Variants in TGM4 observed in about 807,000 individuals in gnomAD.
TGM4 encodes transglutaminase 4.
A neutral mutation model predicts 76.3 loss-of-function variants in TGM4; 61 were observed. That is an observed-to-expected ratio of 0.80 (90% CI 0.65 to 0.99). The LOEUF (loss-of-function observed/expected upper bound fraction) is 0.99. TGM4 is among the 50% of genes least tolerant of loss of function. TGM4 has a pLI of 0.00. For missense variants in TGM4, 794 were observed against 843.2 expected (o/e 0.94, Z 0.72); for synonymous variants, 337 against 329.8 (o/e 1.02, Z -0.24).
chr3:44,903,873 A>C lies in TGM4; in HGVS notation c.972-11A>C. 1 of 1,613,946 alleles carries C rather than the reference A, an allele frequency of 6.2e-7. No homozygotes were observed. The highest frequency in any genetic ancestry group is 8.5e-7 in the Non-Finnish European group (1 of 1,179,880). On this transcript the variant is annotated splice_polypyrimidine_tract_variant and intron_variant, in intron 8 of 13. Coordinates refer to ENST00000296125, the MANE Select transcript of TGM4 (RefSeq NM_003241.4). ...TGGTCCGGGGTGGGGCCCGTTCCCA[A>C]TTTGCGGCAGGAATTTCCATGTGTG...
intron 1 of TGM4, among the ~76,000 whole-genome samples, chr3:44,876,800 G>A (rs1247723258): frequency 6.6e-6 from 1 of 152,154 alleles, no homozygotes; most frequent in Non-Finnish European, 1.5e-5. Flanking sequence ...AGAAGGTAAT[G>A]GAACTGTGAA....
In TGM4 at chr3:44,910,309, C is replaced by G. The variant is rs1207402350; in HGVS notation, c.1547C>G (p.Thr516Ser). ...ILGSFELQLY[T>S]GKKMAKLCDL... ...GGCTCCTTTGAACTACAGTTGTACA[C>G]TGGCAAGAAGATGGCAAAACTGTGT... The change falls in exon 11 of 14, where the codon ACT becomes AGT. Residue 516 changes from threonine (T) to serine (S), a missense_variant. By Grantham distance (58) the Thr-to-Ser change is moderately conservative. Coordinates refer to ENST00000296125, the MANE Select transcript of TGM4 (RefSeq NM_003241.4). The G allele has an allele frequency of 3.1e-6, 5 of 1,614,208 alleles. No individual in the cohort carries two copies. Among genetic ancestry groups the G allele is most frequent in the Non-Finnish European group, 4.2e-6 (5 of 1,180,034 alleles).
rs1559621269 is a variant in TGM4 at position 44,910,157 on chromosome 3, A to T, written c.1395A>T (p.Arg465Ser). The change falls in exon 11 of 14, where the codon AGA (arginine) becomes AGT (serine). Residue 465 changes from arginine (R) to serine (S), a missense_variant. Coordinates refer to ENST00000296125, the MANE Select transcript of TGM4 (RefSeq NM_003241.4). ...FLLLSSEREH[R>S]RPVKENFLHM... ...TTCTCAGTTCTGAGAGGGAGCACAG[A>T]CGACCTGTAAAAGAGAACTTTCTTC... is the stretch of plus-strand genomic sequence containing the variant. The T allele has an allele frequency of 3.1e-6, 5 of 1,614,080 alleles. No individual in the cohort carries two copies. The highest frequency in any genetic ancestry group is 4.2e-6 in the Non-Finnish European group (5 of 1,180,048).
rs754533573 is a variant in TGM4 at position 44,901,674 on chromosome 3, G to A, written c.808G>A (p.Val270Met). Residue 270 changes from valine (V) to methionine (M), a missense_variant, in exon 7 of 14, where the codon GTG becomes ATG. By Grantham distance (21) the Val-to-Met change is conservative. Transcript: ENST00000296125. ...GGCTGTGTGCTTTGGCCAGTGCTGG[G>A]TGTTTGCTGGGATCCTGACTACAGG... ...KQAVCFGQCWVFAGILTTVLR... is the reference protein window; with the variant it reads ...KQAVCFGQCWMFAGILTTVLR... The A allele has an allele frequency of 1.1e-5, 18 of 1,614,056 alleles. No individual in the cohort carries two copies. The highest frequency in any genetic ancestry group is 1.6e-4 in the Middle Eastern group (1 of 6,084).
At chr3:44,907,270 G>T (rs1228856441) in intron 10 of TGM4, 70 bp downstream of exon 10, 66 of 1,556,084 alleles carry the variant, frequency 4.2e-5, no homozygotes, top group Non-Finnish European at 5.6e-5. Flanking sequence ...AGTCAAGATT[G>T]GGGGTGGGCC....
chr3:44,913,816 C>T lies in TGM4; in HGVS notation c.*91C>T. 1.3e-6 allele frequency: 2 copies of T among 1,514,968 alleles called. No individual in the cohort carries two copies. Among genetic ancestry groups the T allele is most frequent in the South Asian group, 1.3e-5 (1 of 74,858 alleles). The allele number at this position is 1,514,968 out of a possible 1,614,324, so 93.8% of individuals were successfully genotyped here. A position where few individuals can be genotyped will look rare whatever the true frequency, so the allele number is the denominator to read the frequency against. ...GATTATGGATGATTAAATTTGATGA[C>T]TTATATGAGGGCAGATTCAAGAGCC... On this transcript the variant is annotated 3_prime_UTR_variant, in exon 14 of 14. Coordinates refer to ENST00000296125, the MANE Select transcript of TGM4 (RefSeq NM_003241.4).
At chr3:44,907,417 A>G (rs1699939884) in intron 10 of TGM4, among the ~76,000 whole-genome samples, 2 of 151,810 alleles carry the variant, frequency 1.3e-5, no homozygotes, top group South Asian at 4.2e-4. Context: ...AGGGAGGTTG[A>G]GGTTGCTGTG....
chr3:44,911,252 C>T lies in TGM4; in HGVS notation c.1777-18C>T, dbSNP rs1181505636. ...TGCATATCTTCTCTCCCCATCTCTC[C>T]TCCCCACCCTACTACAGTTGCCTAA... On this transcript the variant is annotated intron_variant, in intron 12 of 13. Coordinates refer to ENST00000296125, the MANE Select transcript of TGM4 (RefSeq NM_003241.4). 6.2e-7 allele frequency: 1 copy of T among 1,614,074 alleles called. No individual in the cohort carries two copies. Among genetic ancestry groups the T allele is most frequent in the Non-Finnish European group, 8.5e-7 (1 of 1,179,926 alleles).
At chr3:44,877,005 A>G (rs914332886) in intron 1 of TGM4, among the ~76,000 whole-genome samples, 1 of 152,218 alleles carries the variant, frequency 6.6e-6, no homozygotes, top group Non-Finnish European at 1.5e-5. Context: ...GTGGTCATGA[A>G]ATAAAACTGA....
chr3:44,911,529 G>T (rs1042400499), intron 13 of TGM4, 123 bp downstream of exon 13: 2 of 1,123,802 alleles, frequency 1.8e-6, no homozygotes, highest in African/African-American at 1.6e-5. Flanking sequence ...GATACATTTT[G>T]CTAGTGCCAA....
chr3:44,891,539 A>G (rs1000295817), intron 4 of TGM4, among the ~76,000 whole-genome samples: 1 of 145,238 alleles, frequency 6.9e-6, no homozygotes. Context: ...ACACACACAC[A>G]CAAGCTTTTT....
intron 6 of TGM4, among the ~76,000 whole-genome samples, chr3:44,898,929 G>A (rs1184961347): frequency 1.3e-5 from 2 of 152,118 alleles, no homozygotes; most frequent in Non-Finnish European, 2.9e-5. Context: ...GAAAGAACAA[G>A]TAAAGGAGAC....
intron 10 of TGM4, among the ~76,000 whole-genome samples, chr3:44,907,547 C>G (rs982353586): frequency 5.9e-5 from 9 of 152,088 alleles, no homozygotes; most frequent in Non-Finnish European, 1.2e-4. Context: ...ATTCACCTTG[C>G]TAAGACTGTC....
chr3:44,896,492 T>G (rs966713200), intron 5 of TGM4, among the ~76,000 whole-genome samples: 2 of 152,240 alleles, frequency 1.3e-5, no homozygotes, highest in African/African-American at 4.8e-5. Context: ...AGTGGCTGCA[T>G]GCTAGAGCTC....
chr3:44,904,109 A>G (rs1167234642), intron 9 of TGM4, 122 bp downstream of exon 9: 9 of 817,064 alleles, frequency 1.1e-5, no homozygotes, highest in Non-Finnish European at 1.4e-5. Context: ...ATTTCCCAAA[A>G]CAAAAAGCAT....
chr3:44,880,514 G>A lies in TGM4; in HGVS notation c.20-4811G>A, dbSNP rs1287094799. On this transcript the variant is annotated intron_variant, in intron 1 of 13. Coordinates refer to ENST00000296125, the MANE Select transcript of TGM4 (RefSeq NM_003241.4). ...CAGGAGTGCCTGCTGGCAGGTGGCA[G>A]TAGACTCAGGCAGCAATATGGACAC... 3.3e-5 allele frequency among the ~76,000 whole-genome samples: 5 copies of A among 152,324 alleles called. No individual in the cohort carries two copies. In the East Asian group the frequency reaches 7.7e-4, roughly 24 times the overall value.
chr3:44,910,027 G>A, intron 10 of TGM4, 63 bp from the exon 11 acceptor site: 2 of 1,563,492 alleles, frequency 1.3e-6, no homozygotes, highest in Non-Finnish European at 1.7e-6. Flanking sequence ...TGCCACACGG[G>A]TGGTTGGGAC....
At chr3:44,888,057 G>A (rs776346821) in intron 3 of TGM4, 19 of 455,688 alleles carry the variant, frequency 4.2e-5, no homozygotes, top group Non-Finnish European at 6.7e-5. Flanking sequence ...TTCACTGGAG[G>A]ACATGAGCGG....
chr3:44,912,227 T>C (rs1419167264), intron 13 of TGM4, among the ~76,000 whole-genome samples: 1 of 152,250 alleles, frequency 6.6e-6, no homozygotes, highest in Non-Finnish European at 1.5e-5. Context: ...CCTTTACGGA[T>C]ACTGAATTTC....
Sources: allele counts gnomAD v4.1 joint callset (sites outside exome capture counted in the v4.1 genomes callset), GRCh38; gene constraint gnomAD v4.1.1; transcripts MANE v1.5; gene names NCBI Gene and HGNC (gene_info 2026-07-23, HGNC 2026-07-21).